RAB3GAP1: variants seen among roughly 807,000 people sequenced by gnomAD.
RAB3GAP1 encodes RAB3 GTPase activating protein catalytic subunit 1.
Under a neutral mutation model 130.7 loss-of-function variants are expected in RAB3GAP1, and 86 were observed. The ratio of observed to expected loss-of-function variants is 0.66; its 90% CI spans 0.55 to 0.79. The LOEUF is 0.79. RAB3GAP1 is among the 30% of genes least tolerant of loss of function. RAB3GAP1 has a pLI of 0.00. For synonymous variants in RAB3GAP1, 367 were observed against 401.7 expected (o/e 0.91, Z 1.03); for missense variants, 1,029 against 1,169.4 (o/e 0.88, Z 1.75).
chr2:135,126,333 A>G, intron 10 of RAB3GAP1, 84 bp downstream of exon 10: 1 of 1,103,236 alleles, frequency 9.1e-7, no homozygotes, highest in Non-Finnish European at 1.3e-6. Context: ...TTTTATATGC[A>G]TTTTTTATTA....
chr2:135,066,617 T>C (rs1448076879), intron 3 of RAB3GAP1, among the ~76,000 whole-genome samples: 1 of 152,200 alleles, frequency 6.6e-6, no homozygotes, highest in Admixed American at 6.5e-5. Context: ...TTTAAGTGTG[T>C]GTAAAATTAC....
At chr2:135,077,844 T>A (rs551441632) in intron 3 of RAB3GAP1, among the ~76,000 whole-genome samples, 1 of 152,360 alleles carries the variant, frequency 6.6e-6, no homozygotes, top group African/African-American at 2.4e-5. Context: ...TATTTGTCTA[T>A]GTTCTTTGGA....
intron 17 of RAB3GAP1, among the ~76,000 whole-genome samples, 163 bp downstream of exon 17, chr2:135,136,095 GTGGGCAGA>G (rs1445726511): frequency 6.6e-6 from 1 of 152,208 alleles, no homozygotes; most frequent in Non-Finnish European, 1.5e-5. Context: ...GGAGGCTGAG[GTGGGCAGA>G]TCACCTGAGG....
chr2:135,141,388 C>A (rs950287205), intron 17 of RAB3GAP1, among the ~76,000 whole-genome samples: 1 of 151,930 alleles, frequency 6.6e-6, no homozygotes, highest in Non-Finnish European at 1.5e-5. Flanking sequence ...CCATACCTGG[C>A]TAATTTTTTG....
Position 135,135,877 on chromosome 2 carries a change from A to G in RAB3GAP1, c.1868A>G (p.His623Arg), listed in dbSNP as rs372715948. The stretch of plus-strand genomic sequence containing the variant: ...AGGCCGGAAGGACGGCTCTATCAGC[A>G]TGGGAAACTTACACTGCTGCATAAT... Reference protein sequence around the residue: ...NLRPEGRLYQHGKLTLLHNGE... With the variant: ...NLRPEGRLYQRGKLTLLHNGE... The change falls in exon 17 of 24, where the codon CAT (histidine) becomes CGT (arginine). Residue 623 changes from histidine (H) to arginine (R), a missense_variant. By Grantham distance (29) the His-to-Arg change is conservative (BLOSUM62 0). This residue lies in a region of RAB3GAP1 where 373 missense variants were observed against 493.6 expected (regional missense o/e 0.76). Coordinates refer to ENST00000264158, the MANE Select transcript of RAB3GAP1 (RefSeq NM_012233.3). 9 of 1,614,046 alleles carry G rather than the reference A, an allele frequency of 5.6e-6. No homozygotes were observed. Among genetic ancestry groups the G allele is most frequent in the Middle Eastern group, 1.6e-4 (1 of 6,084 alleles).
At chr2:135,136,708 A>G (rs1280015385) in intron 17 of RAB3GAP1, 49 of 1,296,994 alleles carry the variant, frequency 3.8e-5, no homozygotes, top group Non-Finnish European at 4.5e-5. Context: ...TTTGCAACCC[A>G]GAACTCATTG....
chr2:135,064,106 CTGCT>C (rs1244900667), intron 3 of RAB3GAP1, among the ~76,000 whole-genome samples: 1 of 152,018 alleles, frequency 6.6e-6, no homozygotes, highest in African/African-American at 2.4e-5. Context: ...TTTTCTCTGG[CTGCT>C]TTTGAGATTT....
chr2:135,146,574 G>C (rs1692000918), intron 17 of RAB3GAP1, among the ~76,000 whole-genome samples: 1 of 152,132 alleles, frequency 6.6e-6, no homozygotes, highest in South Asian at 2.1e-4. Context: ...GTCTTGTATA[G>C]ACCTGGGTTT....
chr2:135,056,458 C>G (rs1689015332), intron 2 of RAB3GAP1, among the ~76,000 whole-genome samples: 1 of 152,136 alleles, frequency 6.6e-6, no homozygotes, highest in South Asian at 2.1e-4. Flanking sequence ...CCCGCCTCAG[C>G]TCCCAAAGTG....
chr2:135,077,964 G>C (rs1332813702), intron 3 of RAB3GAP1, among the ~76,000 whole-genome samples: 4 of 152,112 alleles, frequency 2.6e-5, no homozygotes, highest in African/African-American at 9.7e-5. Flanking sequence ...TGTGATATAT[G>C]ACTTACAAAT....
rs569041038 is a variant in RAB3GAP1, at chr2:135,154,724, G to A, written c.2289+848G>A. On this transcript the variant is annotated intron_variant, in intron 19 of 23. Transcript: ENST00000264158. ...TGCTAGTTCACAGCACTTGCCACAG[G>A]GAAGGGACTTGAATGTAAACAGGGC... Among the ~76,000 whole-genome samples, 6 of 152,212 alleles carry A rather than the reference G, an allele frequency of 3.9e-5. No homozygotes were observed. In the South Asian group the frequency reaches 6.2e-4, roughly 16 times the overall value.
At chr2:135,167,746 T>G in intron 23 of RAB3GAP1, 1 of 1,452,190 alleles carries the variant, frequency 6.9e-7, no homozygotes, top group Non-Finnish European at 9.3e-7. Context: ...TCATAGTTCC[T>G]TGTTCCTTCC....
intron 18 of RAB3GAP1, among the ~76,000 whole-genome samples, chr2:135,150,923 GTTGA>G (rs575838163): frequency 6.4e-4 from 98 of 152,278 alleles, no homozygotes; most frequent in African/African-American, 2.3e-3. Context: ...CTCAGTTACA[GTTGA>G]TTGAGGTTGT....
intron 17 of RAB3GAP1, among the ~76,000 whole-genome samples, chr2:135,140,848 G>A (rs1196810954): frequency 6.6e-6 from 1 of 152,316 alleles, no homozygotes; most frequent in Middle Eastern, 3.4e-3. Flanking sequence ...GGAATGGTGG[G>A]AACCTTCTCA....
intron 2 of RAB3GAP1, among the ~76,000 whole-genome samples, chr2:135,057,432 C>T (rs992548863): frequency 1.3e-5 from 2 of 152,182 alleles, no homozygotes; most frequent in Non-Finnish European, 2.9e-5. Context: ...GATGGAATCT[C>T]ACTCTGTCGC....
intron 12 of RAB3GAP1, 45 bp from the exon 13 acceptor site, chr2:135,130,507 T>C (rs749864023): frequency 2.7e-6 from 4 of 1,490,440 alleles, no homozygotes; most frequent in East Asian, 2.3e-5. Flanking sequence ...TTTCACCTGC[T>C]GAGGTTGGTG....
chr2:135,144,890 T>C (rs1691951409), intron 17 of RAB3GAP1, among the ~76,000 whole-genome samples: 1 of 152,256 alleles, frequency 6.6e-6, no homozygotes, highest in South Asian at 2.1e-4. Flanking sequence ...TTACAGAGTC[T>C]TAATTTGCCA....
chr2:135,056,116 A>C (rs186766555), intron 2 of RAB3GAP1, among the ~76,000 whole-genome samples: 4 of 151,408 alleles, frequency 2.6e-5, no homozygotes, highest in Admixed American at 2.6e-4. Flanking sequence ...GATTACAGGC[A>C]TGAGCCACCA....
At chr2:135,140,027 A>G (rs889445809) in intron 17 of RAB3GAP1, among the ~76,000 whole-genome samples, 3 of 152,084 alleles carry the variant, frequency 2.0e-5, no homozygotes, top group Admixed American at 6.5e-5. Context: ...TATACCATTG[A>G]GCTTTTTTAT....
Sources: gnomAD v4.1 joint callset for allele counts (sites outside exome capture counted in the v4.1 genomes callset) on GRCh38, gnomAD v4.1.1 for gene constraint, gnomAD v4.1.1 regional missense constraint, MANE v1.5 for transcripts, NCBI Gene and HGNC (gene_info 2026-07-23, HGNC 2026-07-21) for gene names.